The following SNAPC2 variants were observed in gnomAD, a reference collection of about 807,000 sequenced individuals.
The protein encoded by SNAPC2 is small nuclear RNA activating complex polypeptide 2.
In SNAPC2, 27 loss-of-function variants were observed where a neutral mutation model predicts 22.9. The observed-to-expected ratio is 1.18, with a 90% CI of 0.87 to 1.63. The LOEUF is 1.63. Among genes scored for constraint, SNAPC2 ranks in the 40% most tolerant of loss-of-function variants. The pLI is 0.00. For missense variants in SNAPC2, 570 were observed against 449.1 expected, an observed-to-expected ratio of 1.27 and a Z score of -2.43; for synonymous variants, 272 against 201.0, an observed-to-expected ratio of 1.35 and a Z score of -2.99.
chr19:7,922,726 C>G lies in SNAPC2; in HGVS notation c.967C>G (p.Leu323Val). Residue 323 changes from leucine (L) to valine (V), a missense_variant, in exon 5 of 5, where the codon CTG becomes GTG. Transcript: ENST00000221573. The part of the protein sequence containing the change: ...ICPLNPFLVP[L>V]ELLGRAATPA... Reference sequence around the variant, plus strand: ...TCCCCTGAACCCGTTCCTGGTGCCCCTGGAGCTTCTGGGTCGGGCAGCCAC... The same window carrying G: ...TCCCCTGAACCCGTTCCTGGTGCCCGTGGAGCTTCTGGGTCGGGCAGCCAC... The G allele has an allele frequency of 1.2e-6, 2 of 1,600,438 alleles. No individual in the cohort carries two copies. Among genetic ancestry groups the G allele is most frequent in the Non-Finnish European group, 1.7e-6 (2 of 1,170,074 alleles).
chr19:7,921,670 C>G (rs774318414), intron 2 of SNAPC2, 35 bp from the exon 3 acceptor site: 1 of 1,611,666 alleles, frequency 6.2e-7, no homozygotes, highest in Non-Finnish European at 8.5e-7. Context: ...GCAGGCTGAT[C>G]CCTGGGCTGA....
rs780326346 is a variant in SNAPC2, at chr19:7,922,090, A to G, written c.428A>G (p.Lys143Arg). The G allele has an allele frequency of 3.7e-6, 6 of 1,613,560 alleles. No individual in the cohort carries two copies. The highest frequency in any genetic ancestry group is 2.2e-5 in the South Asian group (2 of 91,066). ...ACCCTCCTGCACTCCAAGCCCCCCA[A>G]GCCCACGCAGGCCCGTGGAAAGCCT... ...PVTLLHSKPPKPTQARGKPLL... is the reference protein window; with the variant it reads ...PVTLLHSKPPRPTQARGKPLL... Residue 143 changes from lysine (K) to arginine (R), a missense_variant, in exon 4 of 5, where the codon AAG (lysine) becomes AGG (arginine). Coordinates refer to ENST00000221573, the MANE Select transcript of SNAPC2 (RefSeq NM_003083.4).
At chr19:7,921,322 G>T (rs1024965176) in intron 1 of SNAPC2, 101 bp from the exon 2 acceptor site, 3 of 1,572,184 alleles carry the variant, frequency 1.9e-6, no homozygotes, top group Middle Eastern at 1.7e-4. Flanking sequence ...AGACTAAGGC[G>T]CAGTAGCGGG....
rs1314964899 is a variant in SNAPC2 at position 7,920,659 on chromosome 19, C to T, written c.183+110C>T. On this transcript the variant is annotated intron_variant, in intron 1 of 4. Transcript: ENST00000221573. ...AGCGGGGCGGGGCCAGGAATGTAAG[C>T]GAGCGGGGGCGTGGCGTGGGGCTGA... 28 of 482,150 alleles carry T rather than the reference C, an allele frequency of 5.8e-5. No individual in the cohort carries two copies. In the Admixed American group the frequency reaches 1.6e-3, roughly 28 times the overall value. 29.9% of individuals were successfully genotyped at this position (482,150 alleles called of 1,614,324 possible). A position where few individuals can be genotyped will look rare whatever the true frequency, so the allele number is the denominator to read the frequency against.
chr19:7,922,867 C>G lies in SNAPC2; in HGVS notation c.*103C>G. On this transcript the variant is annotated 3_prime_UTR_variant, in exon 5 of 5. Coordinates refer to ENST00000221573, the MANE Select transcript of SNAPC2 (RefSeq NM_003083.4). ...TGAGGATCCCGTCATGGGGGAAGGT[C>G]CTTGAGATGATGCTCAGCTGTGGGG... is the stretch of plus-strand genomic sequence containing the variant. The G allele has an allele frequency of 1.1e-6, 1 of 929,584 alleles. No individual in the cohort carries two copies. Among genetic ancestry groups the G allele is most frequent in the Non-Finnish European group, 1.6e-6 (1 of 618,844 alleles). 57.6% of individuals were successfully genotyped at this position (929,584 alleles called of 1,614,324 possible).
At position 7,921,419 on chromosome 19, in the gene SNAPC2, C is replaced by T; in HGVS notation, c.184-4C>T. ...CCTCATTCCGCCGCCTCTTTCCTTTCTAGATCCGGGTCTTCCTCCAGCAGC... is the reference window on the plus strand; with the variant it reads ...CCTCATTCCGCCGCCTCTTTCCTTTTTAGATCCGGGTCTTCCTCCAGCAGC... On this transcript the variant is annotated splice_region_variant and splice_polypyrimidine_tract_variant and intron_variant, in intron 1 of 4. Coordinates refer to ENST00000221573, the MANE Select transcript of SNAPC2 (RefSeq NM_003083.4). 6.2e-7 allele frequency: 1 copy of T among 1,613,860 alleles called. No individual in the cohort carries two copies.
At chr19:7,920,578 A>T (rs1983529569) in intron 1 of SNAPC2, 29 bp downstream of exon 1, 4 of 648,378 alleles carry the variant, frequency 6.2e-6, no homozygotes, top group East Asian at 1.3e-4. Flanking sequence ...GACCGGAGCC[A>T]GGCTGGAGGC....
At position 7,922,277 on chromosome 19, in the gene SNAPC2, C is replaced by G. The variant is rs758721005; in HGVS notation, c.615C>G (p.Asp205Glu). Residue 205 changes from aspartate (D) to glutamate (E), a missense_variant, in exon 4 of 5, where the codon GAC (aspartate) becomes GAG (glutamate). By Grantham distance (45) the Asp-to-Glu change is conservative (BLOSUM62 2). Coordinates refer to ENST00000221573, the MANE Select transcript of SNAPC2 (RefSeq NM_003083.4). ...GPSTEEDFAVDFEKIYKYLSS... is the reference protein window; with the variant it reads ...GPSTEEDFAVEFEKIYKYLSS... ...CCACTGAAGAAGACTTTGCTGTGGA[C>G]TTTGAGAAGATCTACAAGTACTTGT... 6.2e-7 allele frequency: 1 copy of G among 1,614,020 alleles called. No homozygotes were observed. Among genetic ancestry groups the G allele is most frequent in the South Asian group, 1.1e-5 (1 of 91,088 alleles).
At position 7,923,125 on chromosome 19, in the gene SNAPC2, A is replaced by AT; in HGVS notation, c.*361_*362insT. 4.3e-6 allele frequency: 1 copy of AT among 235,284 alleles called. No individual in the cohort carries two copies. 14.6% of individuals were successfully genotyped at this position (235,284 alleles called of 1,614,324 possible). Reference sequence around the variant, plus strand: ...TCGCACATTTTCCCCCTTCCTGTACACCTCGGGGCCAGCATCCTCACCTTC... The same window carrying AT: ...TCGCACATTTTCCCCCTTCCTGTACATCCTCGGGGCCAGCATCCTCACCTTC... On this transcript the variant is annotated 3_prime_UTR_variant, in exon 5 of 5. Transcript: ENST00000221573.
intron 1 of SNAPC2, 165 bp from the exon 2 acceptor site, chr19:7,921,258 G>T (rs1983560038): frequency 7.8e-6 from 11 of 1,417,072 alleles, no homozygotes; most frequent in Non-Finnish European, 1.0e-5. Flanking sequence ...GTCACGCTCT[G>T]GGTGGGGTAG....
chr19:7,921,963 A>C, intron 3 of SNAPC2, 72 bp from the exon 4 acceptor site: 2 of 1,501,340 alleles, frequency 1.3e-6, no homozygotes, highest in Non-Finnish European at 1.8e-6. Context: ...GGTGGCAGGG[A>C]GGATGGGGGA....
rs774284600 is a variant in SNAPC2 at position 7,922,250 on chromosome 19, C to T, written c.588C>T (p.Pro196=). Residue 196 remains proline, a synonymous_variant, in exon 4 of 5, where the codon CCC becomes CCT. Coordinates refer to ENST00000221573, the MANE Select transcript of SNAPC2 (RefSeq NM_003083.4). ...AACCTTCTGAGTCGTCGGCTGGTCC[C>T]TCCACTGAAGAAGACTTTGCTGTGG... ...PEKPSESSAG[P]STEEDFAVDF... 1.4e-5 allele frequency: 22 copies of T among 1,614,010 alleles called. No individual in the cohort carries two copies. Among genetic ancestry groups the T allele is most frequent in the Non-Finnish European group, 1.8e-5 (21 of 1,180,036 alleles).
chr19:7,923,001 G>A lies in SNAPC2; in HGVS notation c.*237G>A, dbSNP rs1309376291. On this transcript the variant is annotated 3_prime_UTR_variant, in exon 5 of 5. Transcript: ENST00000221573. ...CCACTCACAAGCCTCCTGATGTCAA[G>A]GACAGGCGGACAGGGCTGGCCTCCC... The A allele has an allele frequency of 4.1e-6, 2 of 483,062 alleles. No individual in the cohort carries two copies. Among genetic ancestry groups the A allele is most frequent in the Non-Finnish European group, 7.3e-6 (2 of 273,624 alleles). 29.9% of individuals were successfully genotyped at this position (483,062 alleles called of 1,614,324 possible). A position where few individuals can be genotyped will look rare whatever the true frequency, so the allele number is the denominator to read the frequency against.
chr19:7,920,484 C>T lies in SNAPC2; in HGVS notation c.118C>T (p.Gln40Ter). Reference sequence around the variant, plus strand: ...GCTAGTGCGACTCCTGCAGGCGCGGCAGGGCCAGCCGGAGCCGGACGCCAC... The same window carrying T: ...GCTAGTGCGACTCCTGCAGGCGCGGTAGGGCCAGCCGGAGCCGGACGCCAC... ...RQLVRLLQAR[Q>*]GQPEPDATEL... The change falls in exon 1 of 5, where the codon CAG becomes TAG. Residue 40 changes from glutamine (Q) to a stop codon, truncating the protein, a stop_gained. Transcript: ENST00000221573. LOFTEE classifies it high-confidence loss of function. 6.6e-7 allele frequency: 1 copy of T among 1,516,076 alleles called. No homozygotes were observed. Among genetic ancestry groups the T allele is most frequent in the Non-Finnish European group, 8.8e-7 (1 of 1,139,928 alleles). 93.9% of individuals were successfully genotyped at this position (1,516,076 alleles called of 1,614,324 possible).
chr19:7,920,356 T>C lies in SNAPC2; in HGVS notation c.-11T>C. The C allele has an allele frequency of 1.9e-6, 3 of 1,565,208 alleles. No homozygotes were observed. Among genetic ancestry groups the C allele is most frequent in the Non-Finnish European group, 2.6e-6 (3 of 1,164,100 alleles). Reference sequence around the variant, plus strand: ...AAGCGACCTTACAGCGCCTGCCTCTTTCTGAGCGGCATGAAGCCACCTCCC... The same window carrying C: ...AAGCGACCTTACAGCGCCTGCCTCTCTCTGAGCGGCATGAAGCCACCTCCC... On this transcript the variant is annotated 5_prime_UTR_variant, in exon 1 of 5. Coordinates refer to ENST00000221573, the MANE Select transcript of SNAPC2 (RefSeq NM_003083.4).
chr19:7,921,751 C>T lies in SNAPC2; in HGVS notation c.350C>T (p.Ala117Val), dbSNP rs1216602603. Residue 117 changes from alanine (A) to valine (V), a missense_variant, in exon 3 of 5, where the codon GCC becomes GTC. Ala to Val is a moderately conservative substitution (Grantham distance 64). Transcript: ENST00000221573. ...AAGATAACAGGGCCACTGGAAGAAG[C>T]CCTGGCAGTGGCTTTCTCGCAGGTA... The part of the protein sequence containing the change: ...AEKITGPLEE[A>V]LAVAFSQVLT... 1.2e-6 allele frequency: 2 copies of T among 1,613,436 alleles called. No individual in the cohort carries two copies. Among genetic ancestry groups the T allele is most frequent in the African/African-American group, 1.3e-5 (1 of 74,904 alleles).
rs762403268 is a variant in SNAPC2 at position 7,922,569 on chromosome 19, C to T, written c.810C>T (p.Pro270=). The T allele has an allele frequency of 1.5e-5, 24 of 1,613,442 alleles. No homozygotes were observed. Among genetic ancestry groups the T allele is most frequent in the South Asian group, 6.6e-5 (6 of 91,062 alleles). The change falls in exon 5 of 5, where the codon CCC becomes CCT. Residue 270 remains proline, a synonymous_variant. Transcript: ENST00000221573. ...YLRLTAPQPI[P]AGGSLGPAAE... ...GCCTGACAGCCCCCCAGCCCATTCC[C>T]GCTGGAGGGAGCCTGGGGCCTGCAG...
At chr19:7,921,650 G>C in intron 2 of SNAPC2, 55 bp from the exon 3 acceptor site, 1 of 1,609,056 alleles carries the variant, frequency 6.2e-7, no homozygotes, top group Admixed American at 1.7e-5. Flanking sequence ...GCAGGGCTTG[G>C]GGGGCCATTG....
chr19:7,922,459 C>T lies in SNAPC2; in HGVS notation c.700C>T (p.Leu234Phe), dbSNP rs1162067476. 3.8e-6 allele frequency: 6 copies of T among 1,590,818 alleles called. No homozygotes were observed. Among genetic ancestry groups the T allele is most frequent in the South Asian group, 1.1e-5 (1 of 88,720 alleles). The stretch of plus-strand genomic sequence containing the variant: ...TCCATCACTAGAGTCCGCTGTGGTC[C>T]TCGACCTGCTCATGTCACTTCCAGA... ...ELSAAESAVV[L>F]DLLMSLPEEL... Residue 234 changes from leucine to phenylalanine, a missense_variant, in exon 5 of 5, where the codon CTC becomes TTC. Physicochemically the swap from Leu to Phe is conservative, Grantham distance 22. Coordinates refer to ENST00000221573, the MANE Select transcript of SNAPC2 (RefSeq NM_003083.4).
Sources: allele counts gnomAD v4.1 joint callset, GRCh38; gene constraint gnomAD v4.1.1; transcripts MANE v1.5; gene names NCBI Gene and HGNC (gene_info 2026-07-23, HGNC 2026-07-21).